The following PAX8 variants were observed in gnomAD, a reference collection of about 807,000 sequenced individuals.
PAX8 encodes paired box 8, also known as paired box protein Pax-8.
PAX8 carries 15 observed loss-of-function variants against 52.4 expected under a neutral mutation model. The observed-to-expected ratio is 0.29, with a 90% CI of 0.19 to 0.44. PAX8 has a LOEUF of 0.44. Ranked by LOEUF, PAX8 falls within the 20% of genes least tolerant of loss-of-function variation. The probability of loss-of-function intolerance (pLI) is 1.00; values close to 1 mark genes in which losing one functional copy is unlikely to be tolerated. For synonymous variants in PAX8, 284 were observed against 249.7 expected (o/e 1.14, Z -1.29); for missense variants, 554 against 602.5 (o/e 0.92, Z 0.84).
At chr2:113,245,960 CACACGT>C (rs1435934843) in intron 3 of PAX8, among the ~76,000 whole-genome samples, 1 of 152,220 alleles carries the variant, frequency 6.6e-6, no homozygotes, top group Admixed American at 6.5e-5. Flanking sequence ...GGGGGACAGG[CACACGT>C]ACACAGAGCT....
intron 2 of PAX8, among the ~76,000 whole-genome samples, chr2:113,251,863 A>G (rs748638423): frequency 6.6e-6 from 1 of 152,238 alleles, no homozygotes; most frequent in Non-Finnish European, 1.5e-5. Context: ...CACTGACTGC[A>G]TTGAACAGTA....
intron 2 of PAX8, among the ~76,000 whole-genome samples, chr2:113,258,514 C>T (rs1266969545): frequency 6.6e-6 from 1 of 152,194 alleles, no homozygotes; most frequent in Non-Finnish European, 1.5e-5. Context: ...CTTCTCTCTC[C>T]CTCCCTGCTG....
chr2:113,278,239 C>G (rs551406566), intron 2 of PAX8, 131 bp downstream of exon 2: 1 of 720,698 alleles, frequency 1.4e-6, no homozygotes, highest in Non-Finnish European at 2.3e-6. Context: ...CCCAGGCGCC[C>G]CAGCTGGGTC....
intron 2 of PAX8, chr2:113,274,895 G>A (rs1341833125): frequency 6.6e-6 from 1 of 152,150 alleles, no homozygotes; most frequent in Non-Finnish European, 1.5e-5. Flanking sequence ...ATAGGAAAAT[G>A]AATACCTATA....
intron 2 of PAX8, chr2:113,272,473 TAA>T (rs540410174): frequency 2.0e-5 from 3 of 152,318 alleles, no homozygotes; most frequent in Admixed American, 6.5e-5. Context: ...AAGATCCATT[TAA>T]AAGTGTCATT....
chr2:113,219,994 G>A (rs1270966387), intron 11 of PAX8, 98 bp downstream of exon 11: 4 of 801,398 alleles, frequency 5.0e-6, no homozygotes, highest in Non-Finnish European at 8.4e-6. Context: ...TGTATAATCT[G>A]AGGACTCCCA....
At chr2:113,232,965 G>A (rs1689984198) in intron 9 of PAX8, among the ~76,000 whole-genome samples, 1 of 151,756 alleles carries the variant, frequency 6.6e-6, no homozygotes. Flanking sequence ...GCCATTCTCA[G>A]AAGACATGCA....
intron 2 of PAX8, chr2:113,272,408 C>G (rs138160550): frequency 1.2e-3 from 180 of 152,244 alleles, no homozygotes; most frequent in African/African-American, 4.1e-3. Context: ...TTTCAGCAAC[C>G]CAAACAGTCT....
intron 1 of PAX8, 167 bp from the exon 2 acceptor site, chr2:113,278,636 C>T (rs1693997748): frequency 2.9e-6 from 2 of 700,002 alleles, no homozygotes; most frequent in East Asian, 2.8e-5. Context: ...ACAGGCTTCC[C>T]GGGAGGATCA....
chr2:113,278,681 C>T, intron 1 of PAX8, 150 bp downstream of exon 1: 1 of 635,626 alleles, frequency 1.6e-6, no homozygotes, highest in East Asian at 3.0e-5. Flanking sequence ...CTCCAGACTC[C>T]AACCTCCGTG....
chr2:113,276,386 C>G (rs528807446), intron 2 of PAX8: 32 of 152,222 alleles, frequency 2.1e-4, no homozygotes, highest in African/African-American at 7.2e-4. Flanking sequence ...GCCACTTTGT[C>G]TATTTGTTTT....
chr2:113,260,698 A>C (rs1444210543), intron 2 of PAX8, among the ~76,000 whole-genome samples: 1 of 152,164 alleles, frequency 6.6e-6, no homozygotes, highest in African/African-American at 2.4e-5. Context: ...TGCCTCCCTC[A>C]CCCGGACAGT....
intron 2 of PAX8, among the ~76,000 whole-genome samples, chr2:113,249,947 T>C (rs1691631506): frequency 6.6e-6 from 1 of 152,142 alleles, no homozygotes; most frequent in African/African-American, 2.4e-5. Context: ...ACAAAACTTA[T>C]GCCTGCTGCT....
chr2:113,245,335 C>A (rs1691227280), intron 3 of PAX8, among the ~76,000 whole-genome samples: 1 of 152,168 alleles, frequency 6.6e-6, no homozygotes. Flanking sequence ...CATCAGCCAC[C>A]ATGCCCAGCC....
intron 2 of PAX8, chr2:113,255,295 AGG>A (rs1692166373): frequency 1.2e-4 from 1 of 8,282 alleles, no homozygotes; most frequent in Admixed American, 1.9e-3. Flanking sequence ...GGGAGGGAGG[AGG>A]GAGGGGAGGA....
intron 2 of PAX8, among the ~76,000 whole-genome samples, chr2:113,257,105 T>C (rs1289291953): frequency 6.6e-6 from 1 of 152,228 alleles, no homozygotes. Context: ...ATTAACTTAT[T>C]TATTAGCAAA....
chr2:113,218,605 G>A lies in PAX8; in HGVS notation c.1281C>T (p.Ser427=). Residue 427 remains serine (S), a synonymous_variant, in exon 12 of 12, where the codon TCC becomes TCT. Transcript: ENST00000429538. The part of the protein sequence containing the change: ...WRFPNSSLLS[S]PYYYSSTSRP... The stretch of plus-strand genomic sequence containing the variant: ...TTGATGTGGAACTGTAATAATATGG[G>A]GAACCTGGACACATTAAAAAAAAAT... The A allele has an allele frequency of 1.9e-6, 3 of 1,554,248 alleles. No homozygotes were observed. The highest frequency in any genetic ancestry group is 2.6e-6 in the Non-Finnish European group (3 of 1,147,722).
chr2:113,259,743 C>A (rs1692528258), intron 2 of PAX8, among the ~76,000 whole-genome samples: 1 of 152,314 alleles, frequency 6.6e-6, no homozygotes, highest in South Asian at 2.1e-4. Context: ...TCAGGGGCTG[C>A]AAATGGAGCT....
chr2:113,242,241 G>T, intron 5 of PAX8, 111 bp from the exon 6 acceptor site: 1 of 885,804 alleles, frequency 1.1e-6, no homozygotes, highest in Non-Finnish European at 1.8e-6. Context: ...CTGGGGGAGA[G>T]GGAGAGGAGC....
Sources: gnomAD v4.1 joint callset for allele counts (sites outside exome capture counted in the v4.1 genomes callset) on GRCh38, gnomAD v4.1.1 for gene constraint, MANE v1.5 for transcripts, NCBI Gene and HGNC (gene_info 2026-07-23, HGNC 2026-07-21) for gene names.